The following KANSL1 variants were observed in gnomAD, a reference collection of about 807,000 sequenced individuals.
KANSL1 encodes the protein KAT8 regulatory NSL complex subunit 1.
Under a neutral mutation model 103.6 loss-of-function variants are expected in KANSL1, and 22 were observed. The observed-to-expected ratio is 0.21, with a 90% confidence interval of 0.15 to 0.30. The LOEUF (loss-of-function observed/expected upper bound fraction) is 0.30, where lower values mean the gene tolerates loss of function less well. KANSL1 is among the 10% of genes least tolerant of loss of function. The pLI is 1.00. For synonymous variants in KANSL1, 600 were observed against 527.6 expected (o/e 1.14, Z -1.88); for missense variants, 1,337 against 1,399.8 (o/e 0.96, Z 0.72).
Position 46,032,089 on chromosome 17 carries a change from C to T in KANSL1, c.3048G>A (p.Glu1016=), listed in dbSNP as rs2146305699. ...GCTCTGGTGTGGAACAACGGGTATC[C>T]TCACTGGCTAAGTGTCGCGGAGTGT... ...ARDTPRHLAS[E]DTRCSTPELG... Residue 1016 remains glutamate (E), a synonymous_variant, in exon 14 of 15, where the codon GAG becomes GAA. Coordinates refer to ENST00000432791, the MANE Select transcript of KANSL1 (RefSeq NM_015443.4). The T allele has an allele frequency of 6.2e-7, 1 of 1,614,172 alleles. No homozygotes were observed. Among genetic ancestry groups the T allele is most frequent in the East Asian group, 2.2e-5 (1 of 44,874 alleles).
At chr17:46,039,923 C>T in intron 7 of KANSL1, 39 bp from the exon 8 acceptor site, 1 of 1,591,266 alleles carries the variant, frequency 6.3e-7, no homozygotes, top group South Asian at 1.1e-5. Flanking sequence ...AGTCCAAACA[C>T]CTGGCCTCTC....
chr17:46,048,048 C>T (rs1454762777), intron 7 of KANSL1, among the ~76,000 whole-genome samples: 1 of 151,864 alleles, frequency 6.6e-6, no homozygotes, highest in African/African-American at 2.4e-5. Flanking sequence ...GCTGGGACGA[C>T]AGGCGTGTGC....
chr17:46,140,595 G>C lies in KANSL1; in HGVS notation c.1289+30260C>G, dbSNP rs540965083. Among the ~76,000 whole-genome samples the C allele has an allele frequency of 5.9e-5, 9 of 151,682 alleles. No homozygotes were observed. The East Asian group carries it at 1.7e-3, about 29-fold the overall frequency. ...TTCTGTAAATAATAATCAAGAAAATGAGAATACAATCCACAGAATGGAAGA... is the reference window on the plus strand; with the variant it reads ...TTCTGTAAATAATAATCAAGAAAATCAGAATACAATCCACAGAATGGAAGA... On this transcript the variant is annotated intron_variant, in intron 2 of 14. Coordinates refer to ENST00000432791, the MANE Select transcript of KANSL1 (RefSeq NM_015443.4).
At chr17:46,094,507 C>T (rs560389868) in intron 3 of KANSL1, 53 bp downstream of exon 3, 429 of 1,580,186 alleles carry the variant, frequency 2.7e-4, no homozygotes, top group Non-Finnish European at 3.5e-4. Context: ...GTGAGAAAAG[C>T]GATATTGATA....
chr17:46,171,337 G>C lies in KANSL1; in HGVS notation c.807C>G (p.Pro269=). ...GGVKLEGKKS[P]LSSILFSALD... is the part of the protein sequence containing the mutation. ...AAGCACTGAAAAGAATGGAAGACAG[G>C]GGAGACTTTTTACCCTCCAATTTGA... The change falls in exon 2 of 15, where the codon CCC becomes CCG. Residue 269 remains proline (P), a synonymous_variant. Coordinates refer to ENST00000432791, the MANE Select transcript of KANSL1 (RefSeq NM_015443.4). 6.2e-7 allele frequency: 1 copy of C among 1,614,138 alleles called. No homozygotes were observed. Among genetic ancestry groups the C allele is most frequent in the Non-Finnish European group, 8.5e-7 (1 of 1,180,036 alleles).
At chr17:46,105,947 A>ACACACACCC (rs1396276906) in intron 2 of KANSL1, among the ~76,000 whole-genome samples, 2 of 57,864 alleles carry the variant, frequency 3.5e-5, no homozygotes, top group East Asian at 2.8e-4. Flanking sequence ...ACACACACAC[A>ACACACACCC]CCCCCCCAGA....
chr17:46,082,177 T>C (rs908414601), intron 4 of KANSL1, among the ~76,000 whole-genome samples: 1 of 152,170 alleles, frequency 6.6e-6, no homozygotes, highest in Non-Finnish European at 1.5e-5. Flanking sequence ...TTCCCAATGA[T>C]ACTCCCTAAA....
intron 2 of KANSL1, among the ~76,000 whole-genome samples, chr17:46,125,488 T>C (rs941482205): frequency 3.9e-5 from 6 of 152,188 alleles, no homozygotes; most frequent in Admixed American, 1.3e-4. Context: ...TGTATTTTCA[T>C]ACAAATAAAG....
intron 13 of KANSL1, 69 bp downstream of exon 13, chr17:46,033,011 C>G (rs1598443064): frequency 8.0e-7 from 1 of 1,253,360 alleles, no homozygotes; most frequent in East Asian, 2.5e-5. Flanking sequence ...TCCATGGACT[C>G]AAGTAGGGCC....
chr17:46,031,874 A>C, intron 14 of KANSL1, 171 bp from the exon 15 acceptor site: 1 of 1,078,502 alleles, frequency 9.3e-7, no homozygotes, highest in Non-Finnish European at 1.3e-6. Context: ...TGTATTGATC[A>C]TTTAGCAGTG....
At chr17:46,093,700 T>G (rs894190856) in intron 3 of KANSL1, 13 of 152,500 alleles carry the variant, frequency 8.5e-5, no homozygotes, top group African/African-American at 1.2e-4. Context: ...AGGCTTTGAC[T>G]AGTACTAAGG....
At chr17:46,196,458 G>GA (rs1435305033), upstream of KANSL1, 11 of 454,620 alleles carry the variant, frequency 2.4e-5, no homozygotes, top group Non-Finnish European at 4.0e-5. Context: ...AATGATGGAG[G>GA]AAAAAACAGT....
upstream of KANSL1, among the ~76,000 whole-genome samples, chr17:46,197,178 T>G (rs1360219421): frequency 6.6e-6 from 1 of 152,196 alleles, no homozygotes; most frequent in Non-Finnish European, 1.5e-5. Flanking sequence ...TGTTCCCTCT[T>G]ACACACAGCT....
At chr17:46,133,937 A>T (rs1459407074) in intron 2 of KANSL1, among the ~76,000 whole-genome samples, 1 of 152,228 alleles carries the variant, frequency 6.6e-6, no homozygotes, top group Non-Finnish European at 1.5e-5. Context: ...AAATCAACAG[A>T]TCCAAGATAT....
At chr17:46,204,922 G>A (rs2047914837) in intron 1 of KANSL1, among the ~76,000 whole-genome samples, 1 of 152,204 alleles carries the variant, frequency 6.6e-6, no homozygotes, top group Admixed American at 6.5e-5. Context: ...CAACAAAGTA[G>A]AAATTGAAGA....
intron 2 of KANSL1, among the ~76,000 whole-genome samples, chr17:46,167,068 A>G (rs934168230): frequency 3.3e-5 from 5 of 151,432 alleles, no homozygotes; most frequent in African/African-American, 1.2e-4. Flanking sequence ...AAAAAAAAAA[A>G]CTTAGGAGAG....
At chr17:46,084,335 TCACACCATTG>T (rs756984570) in intron 3 of KANSL1, among the ~76,000 whole-genome samples, 26 of 151,578 alleles carry the variant, frequency 1.7e-4, no homozygotes, top group Non-Finnish European at 3.7e-4. Context: ...TGAGCCAAGA[TCACACCATTG>T]CACACCAGCC....
chr17:46,147,899 T>C lies in KANSL1; in HGVS notation c.1289+22956A>G, dbSNP rs1377695286. The stretch of plus-strand genomic sequence containing the variant: ...ATCTGAATTTTTAAGTACTAGGTTG[T>C]TGATGAATATAAAATTTAAAGATGT... On this transcript the variant is annotated intron_variant, in intron 2 of 14. Coordinates refer to ENST00000432791, the MANE Select transcript of KANSL1 (RefSeq NM_015443.4). Among the ~76,000 whole-genome samples, 3 of 152,212 alleles carry C rather than the reference T, an allele frequency of 2.0e-5. No homozygotes were observed. In the South Asian group the frequency reaches 6.2e-4, roughly 31 times the overall value.
chr17:46,081,570 C>T (rs1442797298), intron 4 of KANSL1, among the ~76,000 whole-genome samples: 1 of 152,138 alleles, frequency 6.6e-6, no homozygotes, highest in African/African-American at 2.4e-5. Context: ...GAGATCTTTC[C>T]AAGATCTAAA....
Sources: allele counts gnomAD v4.1 joint callset (sites outside exome capture counted in the v4.1 genomes callset), GRCh38; gene constraint gnomAD v4.1.1; transcripts MANE v1.5; gene names NCBI Gene and HGNC (gene_info 2026-07-23, HGNC 2026-07-21).